The following ERCC3 variants were observed in gnomAD, a reference collection of about 807,000 sequenced individuals.
The protein encoded by ERCC3 is ERCC excision repair 3, TFIIH core complex helicase subunit.
Under a neutral mutation model 94.2 loss-of-function variants are expected in ERCC3, and 66 were observed. The ratio of observed to expected loss-of-function variants is 0.70; its 90% CI spans 0.57 to 0.86. ERCC3 has a LOEUF of 0.86. Ranked by LOEUF, ERCC3 falls within the 40% of genes least tolerant of loss-of-function variation. ERCC3 has a pLI of 0.00. For missense variants in ERCC3, 829 were observed against 987.1 expected, an observed-to-expected ratio of 0.84 and a Z score of 2.15; for synonymous variants, 349 against 369.1, an observed-to-expected ratio of 0.95 and a Z score of 0.63.
At position 127,259,513 on chromosome 2, in the gene ERCC3, C is replaced by T; in HGVS notation, c.2065-65G>A. On this transcript the variant is annotated intron_variant, in intron 13 of 14. Coordinates refer to ENST00000285398, the MANE Select transcript of ERCC3 (RefSeq NM_000122.2). The surrounding 1 kb of genome is among the most constrained non-coding windows in gnomAD (Gnocchi z 4.9). ...TCTCTCCCCAGCCCTCCTCTGCCTT[C>T]TCCTGGGTCCACCTGCTTTGGTCAC... 1 of 1,605,432 alleles carries T rather than the reference C, an allele frequency of 6.2e-7. No individual in the cohort carries two copies. Among genetic ancestry groups the T allele is most frequent in the South Asian group, 1.1e-5 (1 of 90,872 alleles).
chr2:127,293,438 G>C (rs1338270676), intron 2 of ERCC3, 75 bp downstream of exon 2: 2 of 1,344,892 alleles, frequency 1.5e-6, no homozygotes, highest in South Asian at 2.4e-5. Context: ...TGTCAGTTTT[G>C]ACTCTGAGGA....
chr2:127,286,775 C>G lies in ERCC3; in HGVS notation c.1270G>C (p.Glu424Gln). 6.2e-7 allele frequency: 1 copy of G among 1,614,138 alleles called. No individual in the cohort carries two copies. The highest frequency in any genetic ancestry group is 8.5e-7 in the Non-Finnish European group (1 of 1,180,022). ...GHTTKRSWEA[E>Q]RVMEWLKTQE... ...GTCTTGAGCCACTCCATGACTCGCTCGGCCTCCCAGGACCTTTTGGTGGTG... is the reference window on the plus strand; with the variant it reads ...GTCTTGAGCCACTCCATGACTCGCTGGGCCTCCCAGGACCTTTTGGTGGTG... The change falls in exon 8 of 15, where the codon GAG becomes CAG. Residue 424 changes from glutamate to glutamine, a missense_variant. By Grantham distance (29) the Glu-to-Gln change is conservative. Transcript: ENST00000285398.
chr2:127,281,301 G>A (rs1165787652), intron 8 of ERCC3, among the ~76,000 whole-genome samples: 2 of 152,156 alleles, frequency 1.3e-5, no homozygotes, highest in Non-Finnish European at 2.9e-5. Flanking sequence ...TGAAACTCCA[G>A]GAACTGTTCG....
chr2:127,265,113 C>T (rs1227855426), intron 12 of ERCC3, among the ~76,000 whole-genome samples: 1 of 152,050 alleles, frequency 6.6e-6, no homozygotes, highest in Non-Finnish European at 1.5e-5. Context: ...TTCCAAAGTG[C>T]TGGGATTAGA....
chr2:127,263,738 C>G (rs542306858), intron 12 of ERCC3, among the ~76,000 whole-genome samples: 4 of 148,828 alleles, frequency 2.7e-5, no homozygotes, highest in South Asian at 2.1e-4. Context: ...GACGGAGTCT[C>G]GCTCTGTCGC....
rs4150457 is a variant in ERCC3, at chr2:127,280,423, C to T, written c.1527+24G>A. 5,807 of 1,599,734 alleles carry T rather than the reference C, an allele frequency of 3.6e-3. 12 individuals are homozygous for T. Among genetic ancestry groups the T allele is most frequent in the Non-Finnish European group, 4.4e-3 (5,169 of 1,172,738 alleles). ...CCATAGGAGGAGGCCCTTTCCCAGA[C>T]GCCCCCAGCCCAGGCCCAGCTACCT... On this transcript the variant is annotated intron_variant, in intron 9 of 14. Coordinates refer to ENST00000285398, the MANE Select transcript of ERCC3 (RefSeq NM_000122.2). This position sits in a 1 kb window ranked among gnomAD's most constrained non-coding sequence, Gnocchi z 6.3.
chr2:127,271,301 G>T lies in ERCC3; in HGVS notation c.1945+35C>A. On this transcript the variant is annotated intron_variant, in intron 12 of 14. Coordinates refer to ENST00000285398, the MANE Select transcript of ERCC3 (RefSeq NM_000122.2). The surrounding 1 kb of genome is among the most constrained non-coding windows in gnomAD (Gnocchi z 5.0). ...CTAACTAAAGTGGTTTAAGAGGAGT[G>T]ACCTCCTGCAACAGAAGATGAAAGG... is the stretch of plus-strand genomic sequence containing the variant. 2.1e-6 allele frequency: 3 copies of T among 1,413,992 alleles called. No individual in the cohort carries two copies. The highest frequency in any genetic ancestry group is 1.1e-5 in the South Asian group (1 of 87,096). 87.6% of individuals were successfully genotyped at this position (1,413,992 alleles called of 1,614,324 possible).
At chr2:127,286,005 A>G (rs1188480948) in intron 8 of ERCC3, among the ~76,000 whole-genome samples, 1 of 152,082 alleles carries the variant, frequency 6.6e-6, no homozygotes, top group East Asian at 1.9e-4. Context: ...TTTGCCCATG[A>G]TACTTGGAGA....
At chr2:127,262,815 C>T (rs1684237113) in intron 12 of ERCC3, 1 of 152,092 alleles carries the variant, frequency 6.6e-6, no homozygotes. Context: ...ATCTTTAATC[C>T]ATTATGAGTT....
At chr2:127,293,433 G>A in intron 2 of ERCC3, 80 bp downstream of exon 2, 1 of 1,316,430 alleles carries the variant, frequency 7.6e-7, no homozygotes, top group Non-Finnish European at 1.1e-6. Flanking sequence ...CTGAATGTCA[G>A]TTTTGACTCT....
At position 127,264,708 on chromosome 2, in the gene ERCC3, T is replaced by C. The variant is rs7584829; in HGVS notation, c.1946-3362A>G. On this transcript the variant is annotated intron_variant, in intron 12 of 14. Coordinates refer to ENST00000285398, the MANE Select transcript of ERCC3 (RefSeq NM_000122.2). This position sits in a 1 kb window ranked among gnomAD's most constrained non-coding sequence, Gnocchi z 4.4. ...GGAATACTAGCCTGTAGTTTTTTCATCGTGTCTTTGCCAGATTTTGGTATC... is the reference window on the plus strand; with the variant it reads ...GGAATACTAGCCTGTAGTTTTTTCACCGTGTCTTTGCCAGATTTTGGTATC... 0.087 allele frequency among the ~76,000 whole-genome samples: 13,291 copies of C among 152,244 alleles called. 765 individuals are homozygous for C. Among genetic ancestry groups the C allele is most frequent in the African/African-American group, 0.17 (7,005 of 41,526 alleles).
intron 12 of ERCC3, among the ~76,000 whole-genome samples, chr2:127,266,087 TTTTTTTC>T (rs1189816218): frequency 6.6e-6 from 1 of 151,650 alleles, no homozygotes; most frequent in Non-Finnish European, 1.5e-5. Flanking sequence ...TGTGGGTTTT[TTTTTTTC>T]TTTTTTCTTT....
At position 127,259,463 on chromosome 2, in the gene ERCC3, C is replaced by A; in HGVS notation, c.2065-15G>T. On this transcript the variant is annotated splice_polypyrimidine_tract_variant and intron_variant, in intron 13 of 14. Coordinates refer to ENST00000285398, the MANE Select transcript of ERCC3 (RefSeq NM_000122.2). The surrounding 1 kb of genome is among the most constrained non-coding windows in gnomAD (Gnocchi z 4.9). The stretch of plus-strand genomic sequence containing the variant: ...TTCGTGATCACCTGCAAAGCCCAAG[C>A]CAGCAGACATGCCCCTTTCTGCTCT... 6.2e-7 allele frequency: 1 copy of A among 1,614,060 alleles called. No homozygotes were observed. Among genetic ancestry groups the A allele is most frequent in the African/African-American group, 1.3e-5 (1 of 75,060 alleles).
rs559507068 is a variant in ERCC3, at chr2:127,264,678, C to G, written c.1946-3332G>C. ...TGTTACAGATTTTTGCGTCTGTGTT[C>G]ATCAGGAATACTAGCCTGTAGTTTT... On this transcript the variant is annotated intron_variant, in intron 12 of 14. Transcript: ENST00000285398. The surrounding 1 kb of genome is among the most constrained non-coding windows in gnomAD (Gnocchi z 4.4). Among the ~76,000 whole-genome samples, 2 of 152,234 alleles carry G rather than the reference C, an allele frequency of 1.3e-5. No individual in the cohort carries two copies. Among genetic ancestry groups the G allele is most frequent in the African/African-American group, 4.8e-5 (2 of 41,548 alleles).
At position 127,292,817 on chromosome 2, in the gene ERCC3, G is replaced by A. The variant is rs1231781968; in HGVS notation, c.264C>T (p.Ala88=). ...VAPDGHIFLE[A]FSPVYKYAQD... The stretch of plus-strand genomic sequence containing the variant: ...GGGCATATTTGTAAACTGGAGAGAA[G>A]GCTTCCAAGAAGATATGGCCATCGG... The change falls in exon 3 of 15, where the codon GCC becomes GCT. Residue 88 remains alanine (A), a synonymous_variant. Transcript: ENST00000285398. 2 of 1,613,458 alleles carry A rather than the reference G, an allele frequency of 1.2e-6. No homozygotes were observed. The highest frequency in any genetic ancestry group is 1.7e-6 in the Non-Finnish European group (2 of 1,179,826).
chr2:127,289,014 G>C (rs1392830246), intron 6 of ERCC3, 150 bp from the exon 7 acceptor site: 1 of 771,050 alleles, frequency 1.3e-6, no homozygotes, highest in Non-Finnish European at 2.3e-6. Context: ...CCGGGATAAA[G>C]CACAGAAAAG....
chr2:127,273,234 C>T (rs1325349787), intron 10 of ERCC3, among the ~76,000 whole-genome samples: 2 of 152,128 alleles, frequency 1.3e-5, no homozygotes. Flanking sequence ...GCTTCAACAT[C>T]TCTTACTCTC....
chr2:127,272,076 C>A (rs993735011), intron 11 of ERCC3, among the ~76,000 whole-genome samples: 1 of 128,626 alleles, frequency 7.8e-6, no homozygotes, highest in East Asian at 2.4e-4. Flanking sequence ...TGGAGTGCAA[C>A]GGCACAATCT....
At chr2:127,272,226 T>C (rs1684580555) in intron 11 of ERCC3, among the ~76,000 whole-genome samples, 1 of 152,080 alleles carries the variant, frequency 6.6e-6, no homozygotes, top group African/African-American at 2.4e-5. Context: ...GGTTTCTCCA[T>C]GTTGGCCAGG....
Sources: gnomAD v4.1 joint callset for allele counts (sites outside exome capture counted in the v4.1 genomes callset) on GRCh38, gnomAD v4.1.1 for gene constraint, Gnocchi (gnomAD v3.1) non-coding constraint, MANE v1.5 for transcripts, NCBI Gene and HGNC (gene_info 2026-07-23, HGNC 2026-07-21) for gene names.